The following ANO1 variants were observed in gnomAD, a reference collection of about 807,000 sequenced individuals.
ANO1 encodes the protein anoctamin 1, also known as anoctamin-1.
Under a neutral mutation model 124.0 loss-of-function variants are expected in ANO1, and 59 were observed. The ratio of observed to expected loss-of-function variants is 0.48; its 90% CI spans 0.39 to 0.59. The LOEUF (loss-of-function observed/expected upper bound fraction) is 0.59. Ranked by LOEUF, ANO1 falls within the 20% of genes least tolerant of loss-of-function variation. The pLI, the probability that ANO1 is intolerant of heterozygous loss-of-function variation, is 0.00. For missense variants in ANO1, 1,059 were observed against 1,328.0 expected, an observed-to-expected ratio of 0.80 and a Z score of 3.15; for synonymous variants, 529 against 532.0, an observed-to-expected ratio of 0.99 and a Z score of 0.08.
the ANO1 span, among the ~76,000 whole-genome samples, chr11:69,966,652 ATGGGGTTGGGGCGT>A: frequency 6.6e-6 from 1 of 151,672 alleles, no homozygotes; most frequent in Non-Finnish European, 1.5e-5. Flanking sequence ...GCAGGTAAGG[ATGGGGTTGGGGCGT>A]TGGGGTGAGA....
At chr11:70,110,972 C>T (rs1029288904) in intron 6 of ANO1, among the ~76,000 whole-genome samples, 7 of 152,342 alleles carry the variant, frequency 4.6e-5, no homozygotes, top group South Asian at 2.1e-4. Context: ...CTGGGGGCCA[C>T]GTAAAAAGGG....
intron 8 of ANO1, among the ~76,000 whole-genome samples, chr11:70,118,704 G>T (rs1040293067): frequency 2.0e-5 from 3 of 150,726 alleles, no homozygotes; most frequent in African/African-American, 7.3e-5. Context: ...GATGAATGAT[G>T]GTTGATGGAT....
At chr11:70,017,467 C>G (rs908567413) in intron 1 of ANO1, among the ~76,000 whole-genome samples, 1 of 148,726 alleles carries the variant, frequency 6.7e-6, no homozygotes, top group East Asian at 2.1e-4. Context: ...CCTTCCTTCC[C>G]TCCTTCCCTC....
At chr11:70,136,845 G>A (rs1016119924) in intron 11 of ANO1, among the ~76,000 whole-genome samples, 1 of 147,800 alleles carries the variant, frequency 6.8e-6, no homozygotes, top group African/African-American at 2.4e-5. Context: ...CGTGGACAAA[G>A]GCGTTCGATT....
intron 2 of ANO1, among the ~76,000 whole-genome samples, chr11:70,093,703 A>G (rs1366201881): frequency 6.6e-6 from 1 of 152,206 alleles, no homozygotes; most frequent in Non-Finnish European, 1.5e-5. Context: ...CTCCACATGC[A>G]TCCCCGTAGT....
chr11:69,991,148 G>C lies in ANO1; in HGVS notation c.58+4982G>C, dbSNP rs61885149. Among the ~76,000 whole-genome samples the C allele has an allele frequency of 2.0e-5, 3 of 152,106 alleles. No individual in the cohort carries two copies. The East Asian group carries it at 5.8e-4, about 29-fold the overall frequency. ...TAGTTAATTTTTGTATGTGGAGTAC[G>C]CTAGAGAGCCAAATTCATTCCTCTG... On this transcript the variant is annotated intron_variant, in intron 1 of 27. Coordinates refer to the ANO1 transcript ENST00000531349.
chr11:70,150,193 C>G lies in ANO1; in HGVS notation c.1341+401C>G, dbSNP rs76159551. Among the ~76,000 whole-genome samples the G allele has an allele frequency of 2.0e-3, 302 of 152,302 alleles. 1 individual carries two copies. The highest frequency in any genetic ancestry group is 7.1e-3 in the African/African-American group (295 of 41,550). ...GGTCTCCAAAAGTGGCCGTGAGCAT[C>G]TGCCTCCCCGGGTGCCAAACCCACG... On this transcript the variant is annotated intron_variant, in intron 12 of 25. Coordinates refer to ENST00000355303, the MANE Select transcript of ANO1 (RefSeq NM_018043.7).
chr11:70,129,143 G>C (rs1160536299), intron 10 of ANO1, among the ~76,000 whole-genome samples: 3 of 152,236 alleles, frequency 2.0e-5, no homozygotes, highest in African/African-American at 7.2e-5. Flanking sequence ...AAGAGAGGAG[G>C]CTGAGTGAGG....
chr11:70,153,932 A>C (rs2047704551), intron 14 of ANO1, among the ~76,000 whole-genome samples: 1 of 151,972 alleles, frequency 6.6e-6, no homozygotes, highest in South Asian at 2.1e-4. Context: ...TGTCCAGCTA[A>C]TTTTTTGTAT....
At chr11:70,069,378 G>A (rs79067446) in intron 1 of ANO1, among the ~76,000 whole-genome samples, 2,375 of 152,306 alleles carry the variant, frequency 0.016, 54 homozygotes, top group African/African-American at 0.053. Context: ...ACGTCTCAAG[G>A]TGCTTGAGCT....
At chr11:69,969,771 AC>A in the ANO1 span, among the ~76,000 whole-genome samples, 1 of 151,834 alleles carries the variant, frequency 6.6e-6, no homozygotes. Flanking sequence ...ATATGGTGAA[AC>A]CCCGTCTTTA....
chr11:70,070,557 T>A (rs1478827338), intron 1 of ANO1, among the ~76,000 whole-genome samples: 1 of 152,174 alleles, frequency 6.6e-6, no homozygotes, highest in African/African-American at 2.4e-5. Context: ...GTGCCTGTAA[T>A]CCCAGCTACT....
chr11:70,182,745 T>G (rs1483976915), intron 24 of ANO1, 59 bp downstream of exon 24: 1 of 1,362,100 alleles, frequency 7.3e-7, no homozygotes, highest in Admixed American at 3.1e-5. Context: ...TGGGAGAGCC[T>G]GGGTTTGGAC....
chr11:70,127,558 C>T (rs1007957746), intron 10 of ANO1, among the ~76,000 whole-genome samples: 14 of 152,162 alleles, frequency 9.2e-5, no homozygotes, highest in African/African-American at 2.9e-4. Context: ...TTGCCTGGTG[C>T]GATGGCGCAT....
intron 1 of ANO1, among the ~76,000 whole-genome samples, chr11:70,087,250 C>T (rs749117596): frequency 6.6e-6 from 1 of 152,210 alleles, no homozygotes; most frequent in Non-Finnish European, 1.5e-5. Flanking sequence ...ATTTTCCCCT[C>T]AAGCATTTAT....
At chr11:70,022,762 C>T (rs565965727) in intron 1 of ANO1, among the ~76,000 whole-genome samples, 2 of 152,200 alleles carry the variant, frequency 1.3e-5, no homozygotes, top group East Asian at 1.9e-4. Context: ...CCCCAGAACC[C>T]GTGAATCTCT....
intron 1 of ANO1, among the ~76,000 whole-genome samples, chr11:70,035,252 C>A (rs1857074958): frequency 6.6e-6 from 1 of 152,168 alleles, no homozygotes; most frequent in South Asian, 2.1e-4. Context: ...TTGTGTCCAC[C>A]CATGCAGACA....
rs566903619 is a variant in ANO1 at position 70,032,541 on chromosome 11, G to T, written c.59-46001G>T. Among the ~76,000 whole-genome samples the T allele has an allele frequency of 8.2e-3, 1,241 of 151,610 alleles. 15 individuals carry two copies. The highest frequency in any genetic ancestry group is 0.029 in the African/African-American group (1,186 of 41,344). On this transcript the variant is annotated intron_variant, in intron 1 of 27. Transcript: ENST00000531349. ...GAGCAGAGGGAGGCGGGAGAGGGGG[G>T]GGGTCTCTGAAGGGTAGAATCCGCA...
chr11:70,152,912 C>T (rs2047663021), intron 13 of ANO1, 145 bp from the exon 14 acceptor site: 1 of 690,324 alleles, frequency 1.4e-6, no homozygotes, highest in Non-Finnish European at 2.5e-6. Flanking sequence ...GGTGATTACA[C>T]TGGAAATATT....
Sources: allele counts gnomAD v4.1 joint callset (sites outside exome capture counted in the v4.1 genomes callset), GRCh38; gene constraint gnomAD v4.1.1; transcripts MANE v1.5; gene names NCBI Gene and HGNC (gene_info 2026-07-23, HGNC 2026-07-21).